PRKCH: variants seen among roughly 807,000 people sequenced by gnomAD.
PRKCH encodes the protein protein kinase C eta.
Under a neutral mutation model 82.5 loss-of-function variants are expected in PRKCH, and 28 were observed. The observed-to-expected ratio is 0.34, with a 90% CI of 0.25 to 0.47. PRKCH has a LOEUF of 0.47. PRKCH is among the 20% of genes least tolerant of loss of function. The pLI, the probability that PRKCH is intolerant of heterozygous loss-of-function variation, is 1.00. For missense variants in PRKCH, 705 were observed against 881.8 expected (o/e 0.80, Z 2.54); for synonymous variants, 322 against 327.4 (o/e 0.98, Z 0.18).
intron 1 of PRKCH, among the ~76,000 whole-genome samples, chr14:61,295,042 T>G (rs1389454721): frequency 6.6e-6 from 1 of 152,154 alleles, no homozygotes; most frequent in African/African-American, 2.4e-5. Flanking sequence ...ATTTTTTATA[T>G]TTTTAGTAGA....
chr14:61,495,979 A>G (rs1024383372), intron 10 of PRKCH, among the ~76,000 whole-genome samples: 1 of 152,230 alleles, frequency 6.6e-6, no homozygotes, highest in African/African-American at 2.4e-5. Flanking sequence ...GAGCAGATGA[A>G]CAAAGACCTA....
intron 10 of PRKCH, among the ~76,000 whole-genome samples, chr14:61,487,843 A>AC (rs57014468): frequency 4.0e-5 from 6 of 148,956 alleles, no homozygotes; most frequent in Non-Finnish European, 3.0e-5. Flanking sequence ...AAAAAAAAAA[A>AC]CATATACATA....
intron 1 of PRKCH, among the ~76,000 whole-genome samples, chr14:61,254,496 G>T (rs2044979521): frequency 6.6e-6 from 1 of 152,034 alleles, no homozygotes; most frequent in African/African-American, 2.4e-5. Flanking sequence ...TAAGCCTGTA[G>T]TCCCAGCTAC....
chr14:61,210,116 ATATATATATATATATATATATATATAT>A (rs2044560083), intron 1 of PRKCH, among the ~76,000 whole-genome samples: 11 of 13,536 alleles, frequency 8.1e-4, no homozygotes, highest in African/African-American at 3.1e-3. Context: ...AAACAAATAT[ATATATATATATATATATATATATATAT>A]ATATATATAT....
At chr14:61,431,207 A>G (rs1312455672) in intron 2 of PRKCH, among the ~76,000 whole-genome samples, 1 of 152,220 alleles carries the variant, frequency 6.6e-6, no homozygotes, top group African/African-American at 2.4e-5. Flanking sequence ...ACATGTGCAC[A>G]GCTTCAGTAA....
intron 1 of PRKCH, chr14:61,305,649 T>C (rs1238355532): frequency 6.6e-6 from 1 of 152,218 alleles, no homozygotes; most frequent in Admixed American, 6.5e-5. Flanking sequence ...CGAATAAATT[T>C]TACATTTCAG....
chr14:61,394,379 C>G (rs1193881823), intron 2 of PRKCH, among the ~76,000 whole-genome samples: 2 of 151,982 alleles, frequency 1.3e-5, no homozygotes, highest in African/African-American at 4.8e-5. Context: ...TGTTCCTAGC[C>G]TAGTCAAATA....
chr14:61,475,307 CT>C, intron 9 of PRKCH, among the ~76,000 whole-genome samples: 1 of 152,150 alleles, frequency 6.6e-6, no homozygotes, highest in African/African-American at 2.4e-5. Context: ...GTTGCTAAAC[CT>C]TTTTTAAAAA....
intron 1 of PRKCH, among the ~76,000 whole-genome samples, chr14:61,215,820 G>T (rs1594856555): frequency 1.3e-5 from 2 of 152,268 alleles, no homozygotes; most frequent in East Asian, 3.9e-4. Context: ...ATGTGCCAAA[G>T]CTTTCTAAAT....
intron 1 of PRKCH, among the ~76,000 whole-genome samples, chr14:61,264,131 C>G (rs2045075342): frequency 6.6e-6 from 1 of 152,022 alleles, no homozygotes; most frequent in Non-Finnish European, 1.5e-5. Context: ...TCCATAAAGC[C>G]AGTTTATTTT....
intron 2 of PRKCH, among the ~76,000 whole-genome samples, chr14:61,397,474 T>C (rs74054802): frequency 0.062 from 9,398 of 152,228 alleles, 985 homozygotes; most frequent in African/African-American, 0.21. Context: ...AAGAGGCCCA[T>C]TGAGAAGATT....
chr14:61,411,068 A>G (rs1882243477), intron 2 of PRKCH, among the ~76,000 whole-genome samples: 1 of 152,210 alleles, frequency 6.6e-6, no homozygotes, highest in African/African-American at 2.4e-5. Flanking sequence ...CTTCTGGGGA[A>G]AGTGGATCAG....
intron 1 of PRKCH, among the ~76,000 whole-genome samples, chr14:61,265,176 A>C (rs888005018): frequency 6.6e-6 from 1 of 152,178 alleles, no homozygotes; most frequent in Non-Finnish European, 1.5e-5. Context: ...TGACAATTGC[A>C]TTTCTCCTCA....
At chr14:61,364,798 C>T (rs2046276355) in intron 1 of PRKCH, among the ~76,000 whole-genome samples, 1 of 151,962 alleles carries the variant, frequency 6.6e-6, no homozygotes, top group Non-Finnish European at 1.5e-5. Context: ...CATGATTGCA[C>T]CATTGCGCTC....
At chr14:61,200,560 C>A (rs931416800) in intron 1 of PRKCH, among the ~76,000 whole-genome samples, 5 of 152,186 alleles carry the variant, frequency 3.3e-5, no homozygotes, top group Admixed American at 2.0e-4. Flanking sequence ...ACTACACAGT[C>A]TCTTTCTTCT....
At chr14:61,243,316 T>C (rs2044855634) in intron 1 of PRKCH, among the ~76,000 whole-genome samples, 1 of 147,460 alleles carries the variant, frequency 6.8e-6, no homozygotes, top group Non-Finnish European at 1.5e-5. Flanking sequence ...GGGAGTTGCT[T>C]GAACTCGGGA....
At chr14:61,492,562 C>G (rs1286590392) in intron 10 of PRKCH, among the ~76,000 whole-genome samples, 4 of 152,222 alleles carry the variant, frequency 2.6e-5, no homozygotes, top group African/African-American at 9.6e-5. Flanking sequence ...CTTCAACTTA[C>G]AGCTGGCATG....
At position 61,322,233 on chromosome 14, in the gene PRKCH, T is replaced by C. The variant is rs2045635983; in HGVS notation, c.132T>C (p.Tyr44=). 2.5e-6 allele frequency: 4 copies of C among 1,613,456 alleles called. No homozygotes were observed. Among genetic ancestry groups the C allele is most frequent in the Non-Finnish European group, 3.4e-6 (4 of 1,179,868 alleles). The change falls in exon 1 of 14, where the codon TAT becomes TAC. Residue 44 remains tyrosine (Y), a synonymous_variant. Transcript: ENST00000332981. The stretch of plus-strand genomic sequence containing the variant: ...AGGGCCACCAGCTGCTGGACCCCTA[T>C]CTGACGGTGAGCGTGGACCAGGTGC... ...FKKGHQLLDP[Y]LTVSVDQVRV... is the part of the protein sequence containing the mutation.
At chr14:61,482,030 C>G (rs935002224) in intron 9 of PRKCH, among the ~76,000 whole-genome samples, 4 of 134,704 alleles carry the variant, frequency 3.0e-5, no homozygotes, top group African/African-American at 1.1e-4. Context: ...GAGTCCCCCT[C>G]TGTCTCCCAG....
Sources: gnomAD v4.1 joint callset for allele counts (sites outside exome capture counted in the v4.1 genomes callset) on GRCh38, gnomAD v4.1.1 for gene constraint, MANE v1.5 for transcripts, NCBI Gene and HGNC (gene_info 2026-07-23, HGNC 2026-07-21) for gene names.